TMEM132D: variants seen among roughly 807,000 people sequenced by gnomAD.
TMEM132D encodes the protein mature OL transmembrane protein.
In TMEM132D, 21 loss-of-function variants were observed where a neutral mutation model predicts 62.3. The ratio of observed to expected loss-of-function variants is 0.34; its 90% CI spans 0.24 to 0.49. The LOEUF (loss-of-function observed/expected upper bound fraction) is 0.49. Ranked by LOEUF, TMEM132D falls within the 20% of genes least tolerant of loss-of-function variation. The probability of loss-of-function intolerance (pLI) is 0.99; values close to 1 mark genes in which losing one functional copy is unlikely to be tolerated. For synonymous variants in TMEM132D, 621 were observed against 575.6 expected, an observed-to-expected ratio of 1.08 and a Z score of -1.13; for missense variants, 1,346 against 1,402.8, an observed-to-expected ratio of 0.96 and a Z score of 0.65.
chr12:129,077,184 C>T (rs1027492640), intron 8 of TMEM132D, among the ~76,000 whole-genome samples: 1 of 152,220 alleles, frequency 6.6e-6, no homozygotes. Context: ...GGCACTCCTG[C>T]CTCCTCTGAA....
intron 2 of TMEM132D, among the ~76,000 whole-genome samples, chr12:129,546,611 C>G (rs1209000534): frequency 6.6e-6 from 1 of 151,912 alleles, no homozygotes; most frequent in Non-Finnish European, 1.5e-5. Context: ...ACCAGCCTGA[C>G]CAACATGGTG....
intron 4 of TMEM132D, among the ~76,000 whole-genome samples, chr12:129,223,887 C>G (rs1041534909): frequency 6.6e-6 from 1 of 152,218 alleles, no homozygotes; most frequent in Non-Finnish European, 1.5e-5. Context: ...ATATTGTTCA[C>G]TGTGGAGCAG....
intron 1 of TMEM132D, among the ~76,000 whole-genome samples, chr12:129,767,153 C>A (rs1870580217): frequency 6.6e-6 from 1 of 152,196 alleles, no homozygotes. Context: ...AGAAGCTGCC[C>A]TGTATCAATT....
chr12:129,783,670 C>A lies in TMEM132D; in HGVS notation c.80-82972G>T, dbSNP rs150452697. On this transcript the variant is annotated intron_variant, in intron 1 of 8. Transcript: ENST00000422113. ...TGGAACCAAATGTTCAGAACGTCTGCACATTAGAATATTTTGGTTTGAGCC... is the reference window on the plus strand; with the variant it reads ...TGGAACCAAATGTTCAGAACGTCTGAACATTAGAATATTTTGGTTTGAGCC... Among the ~76,000 whole-genome samples the A allele has an allele frequency of 3.3e-3, 508 of 152,326 alleles. 10 individuals are homozygous for A. Among genetic ancestry groups the A allele is most frequent in the Admixed American group, 0.03 (461 of 15,300 alleles).
At chr12:129,767,407 A>G (rs1277008784) in intron 1 of TMEM132D, among the ~76,000 whole-genome samples, 6 of 152,188 alleles carry the variant, frequency 3.9e-5, no homozygotes, top group Non-Finnish European at 8.8e-5. Context: ...CAGTATATTC[A>G]TATTGCTGTG....
chr12:129,705,968 A>T (rs1169066990), intron 1 of TMEM132D, among the ~76,000 whole-genome samples: 3 of 152,144 alleles, frequency 2.0e-5, no homozygotes, highest in Admixed American at 2.0e-4. Flanking sequence ...ACCAAATAAA[A>T]ATATGTCCAA....
chr12:129,717,865 G>A (rs1397352113), intron 1 of TMEM132D, among the ~76,000 whole-genome samples: 1 of 152,146 alleles, frequency 6.6e-6, no homozygotes, highest in African/African-American at 2.4e-5. Flanking sequence ...TTCAAGTTGT[G>A]AATGTCTCAA....
At chr12:129,858,954 C>T (rs1873787542) in intron 1 of TMEM132D, among the ~76,000 whole-genome samples, 1 of 120,986 alleles carries the variant, frequency 8.3e-6, no homozygotes, top group African/African-American at 3.4e-5. Context: ...GGGATGGGTG[C>T]CCTTGGAGTC....
rs145463792 is a variant in TMEM132D at position 129,827,224 on chromosome 12, A to T, written c.79+76037T>A. ...CCTTTTAAATTCTTAAGGCTGTCTT[A>T]TGCAATGAGTGCTATGATTATTCCC... is the stretch of plus-strand genomic sequence containing the variant. On this transcript the variant is annotated intron_variant, in intron 1 of 8. Coordinates refer to ENST00000422113, the MANE Select transcript of TMEM132D (RefSeq NM_133448.3). The surrounding 1 kb of genome is among the most constrained non-coding windows in gnomAD (Gnocchi z 9.7). 4.6e-5 allele frequency among the ~76,000 whole-genome samples: 7 copies of T among 152,308 alleles called. No individual in the cohort carries two copies. In the East Asian group the frequency reaches 1.4e-3, roughly 29 times the overall value.
chr12:129,204,734 C>T (rs2135563158), intron 5 of TMEM132D, among the ~76,000 whole-genome samples: 1 of 152,234 alleles, frequency 6.6e-6, no homozygotes, highest in Middle Eastern at 3.4e-3. Flanking sequence ...ATCAGATTCT[C>T]CAAGGTCAAA....
rs535243367 is a variant in TMEM132D, at chr12:129,586,038, C to T, written c.969-54833G>A. On this transcript the variant is annotated intron_variant, in intron 2 of 8. Coordinates refer to ENST00000422113, the MANE Select transcript of TMEM132D (RefSeq NM_133448.3). ...CTGAAATAAGAATAGACAAATAGTT[C>T]TTTGGAATAAAATAGAGGGTCTAGC... is the stretch of plus-strand genomic sequence containing the variant. Among the ~76,000 whole-genome samples, 33 of 151,368 alleles carry T rather than the reference C, an allele frequency of 2.2e-4. 1 individual carries two copies. In the South Asian group the frequency reaches 6.0e-3, roughly 28 times the overall value.
intron 1 of TMEM132D, among the ~76,000 whole-genome samples, chr12:129,793,934 T>C (rs2137300586): frequency 6.6e-6 from 1 of 152,328 alleles, no homozygotes; most frequent in South Asian, 2.1e-4. Flanking sequence ...TGTTTGTAAG[T>C]ATTAAGAACT....
At chr12:129,582,549 A>G (rs749485347) in intron 2 of TMEM132D, among the ~76,000 whole-genome samples, 2 of 151,854 alleles carry the variant, frequency 1.3e-5, no homozygotes, top group African/African-American at 2.4e-5. Context: ...TTAGCTTAGT[A>G]CTTCCTAGTG....
intron 5 of TMEM132D, among the ~76,000 whole-genome samples, chr12:129,126,781 G>A (rs1876226281): frequency 6.6e-6 from 1 of 152,168 alleles, no homozygotes; most frequent in African/African-American, 2.4e-5. Flanking sequence ...TGCTAGCATA[G>A]AATTGATCAG....
chr12:129,138,961 C>G (rs141954375), intron 5 of TMEM132D, among the ~76,000 whole-genome samples: 233 of 152,292 alleles, frequency 1.5e-3, no homozygotes, highest in Non-Finnish European at 2.0e-3. Context: ...CAGACTCAAC[C>G]TTGACATCCT....
In TMEM132D at chr12:129,722,805, T is replaced by A. The variant is rs575200753; in HGVS notation, c.80-22107A>T. Reference sequence around the variant, plus strand: ...CTCAGCCTGGAGTGCAGTGGTGTGATCTCAGTTCACTGCAACCTCTGCTTC... The same window carrying A: ...CTCAGCCTGGAGTGCAGTGGTGTGAACTCAGTTCACTGCAACCTCTGCTTC... On this transcript the variant is annotated intron_variant, in intron 1 of 8. Transcript: ENST00000422113. Among the ~76,000 whole-genome samples, 13 of 150,950 alleles carry A rather than the reference T, an allele frequency of 8.6e-5. No homozygotes were observed. In the South Asian group the frequency reaches 2.7e-3, roughly 32 times the overall value.
intron 5 of TMEM132D, among the ~76,000 whole-genome samples, chr12:129,197,764 G>T (rs1450794615): frequency 6.6e-6 from 1 of 152,146 alleles, no homozygotes; most frequent in African/African-American, 2.4e-5. Flanking sequence ...GAGAGTACAG[G>T]CAACAAAACA....
chr12:129,269,919 G>A (rs1190041829), intron 4 of TMEM132D, among the ~76,000 whole-genome samples: 3 of 152,164 alleles, frequency 2.0e-5, no homozygotes, highest in Non-Finnish European at 4.4e-5. Context: ...ATGCAACCAA[G>A]GCGTCTGAAA....
intron 1 of TMEM132D, among the ~76,000 whole-genome samples, chr12:129,761,480 C>T (rs1233207602): frequency 6.6e-6 from 1 of 152,172 alleles, no homozygotes; most frequent in Non-Finnish European, 1.5e-5. Context: ...TTCCCATCCT[C>T]CCAGGCCTCT....
Sources: gnomAD v4.1 joint callset for allele counts (sites outside exome capture counted in the v4.1 genomes callset) on GRCh38, gnomAD v4.1.1 for gene constraint, Gnocchi (gnomAD v3.1) non-coding constraint, MANE v1.5 for transcripts, NCBI Gene and HGNC (gene_info 2026-07-23, HGNC 2026-07-21) for gene names.